The following ATP1A3 variants were observed in gnomAD, a reference collection of about 807,000 sequenced individuals.
ATP1A3 encodes ATPase Na+/K+ transporting subunit alpha 3.
A neutral mutation model predicts 108.8 loss-of-function variants in ATP1A3; 12 were observed. That is an observed-to-expected ratio of 0.11 (90% confidence interval 0.07 to 0.18). The LOEUF (loss-of-function observed/expected upper bound fraction) is 0.18. Ranked by LOEUF, ATP1A3 falls within the 10% of genes least tolerant of loss-of-function variation. The pLI is 1.00. For synonymous variants in ATP1A3, 539 were observed against 564.5 expected, an observed-to-expected ratio of 0.95 and a Z score of 0.64; for missense variants, 498 against 1,387.7, an observed-to-expected ratio of 0.36 and a Z score of 10.19.
At chr19:41,980,115 G>A (rs1308828577) in intron 11 of ATP1A3, among the ~76,000 whole-genome samples, 2 of 152,216 alleles carry the variant, frequency 1.3e-5, no homozygotes, top group East Asian at 1.9e-4. Flanking sequence ...GCCTGCTACC[G>A]GAGCGCTCTT....
At chr19:41,972,889 C>CGGAGGGAGGGAGGAAG (rs563366573) in intron 16 of ATP1A3, among the ~76,000 whole-genome samples, 3,848 of 45,254 alleles carry the variant, frequency 0.085, 257 homozygotes, top group African/African-American at 0.24. Flanking sequence ...CAGGCAGGGA[C>CGGAGGGAGGGAGGAAG]GGAGGGAGGG....
In ATP1A3 at chr19:41,985,538, G is replaced by C; in HGVS notation, c.607-115C>G. The C allele has an allele frequency of 2.7e-6, 3 of 1,108,834 alleles. No individual in the cohort carries two copies. The highest frequency in any genetic ancestry group is 4.1e-6 in the Non-Finnish European group (3 of 734,974). The allele number at this position is 1,108,834 out of a possible 1,614,324, so 68.7% of individuals were successfully genotyped here. A position where few individuals can be genotyped will look rare whatever the true frequency, so the allele number is the denominator to read the frequency against. On this transcript the variant is annotated intron_variant, in intron 6 of 22. Transcript: ENST00000648268. The surrounding 1 kb of genome is among the most constrained non-coding windows in gnomAD (Gnocchi z 8.2). ...GCCTGGAGATCACAGCTAGAAGCCT[G>C]GGTGCCCAGTGGGTGAGTGGTGTGT...
At chr19:41,993,778 C>T (rs2075362529) in intron 1 of ATP1A3, 1 of 613,864 alleles carries the variant, frequency 1.6e-6, no homozygotes, top group Non-Finnish European at 2.8e-6. Flanking sequence ...AGCTCTCATA[C>T]GCACATGCAA....
At chr19:41,979,694 C>T (rs549266782) in intron 11 of ATP1A3, among the ~76,000 whole-genome samples, 2 of 151,886 alleles carry the variant, frequency 1.3e-5, no homozygotes, top group Non-Finnish European at 2.9e-5. Context: ...CTGGGAGTGT[C>T]GGGGAGGAGG....
rs1436233055 is a variant in ATP1A3, at chr19:41,988,956, G to A, written c.7-394C>T. Among the ~76,000 whole-genome samples the A allele has an allele frequency of 3.3e-5, 5 of 151,984 alleles. No homozygotes were observed. The highest frequency in any genetic ancestry group is 1.2e-4 in the African/African-American group (5 of 41,396). On this transcript the variant is annotated intron_variant, in intron 1 of 22. Coordinates refer to ENST00000648268, the MANE Select transcript of ATP1A3 (RefSeq NM_152296.5). This position sits in a 1 kb window ranked among gnomAD's most constrained non-coding sequence, Gnocchi z 5.3. ...TCTGTGTCTATGTGACTTTGTTTTC[G>A]TTTTTTGAAACAATGTCTCACTCTG...
rs2075157919 is a variant in ATP1A3, at chr19:41,975,647, C to T, written c.2245G>A (p.Val749Ile). 3.7e-6 allele frequency: 6 copies of T among 1,614,082 alleles called. No individual in the cohort carries two copies. Among genetic ancestry groups the T allele is most frequent in the Non-Finnish European group, 5.1e-6 (6 of 1,179,988 alleles). Residue 749 changes from valine (V) to isoleucine (I), a missense_variant, in exon 16 of 23, where the codon GTC (valine) becomes ATC (isoleucine). Physicochemically the swap from Val to Ile is conservative, Grantham distance 29 (BLOSUM62 3). Coordinates refer to ENST00000648268, the MANE Select transcript of ATP1A3 (RefSeq NM_152296.5). ...ILLDDNFASI[V>I]TGVEEGRLIF... ...AACTCACCCTCCTCCACCCCTGTGA[C>T]GATGGAGGCAAAGTTGTCGTCCAGC...
Position 41,967,175 on chromosome 19 carries a change from G to C in ATP1A3, c.3013+74C>G, listed in dbSNP as rs906806559. 1.2e-6 allele frequency: 2 copies of C among 1,606,848 alleles called. No individual in the cohort carries two copies. The highest frequency in any genetic ancestry group is 2.7e-5 in the African/African-American group (2 of 74,762). On this transcript the variant is annotated intron_variant, in intron 22 of 22. Coordinates refer to ENST00000648268, the MANE Select transcript of ATP1A3 (RefSeq NM_152296.5). The surrounding 1 kb of genome is among the most constrained non-coding windows in gnomAD (Gnocchi z 4.2). ...GTGGCAGAGCCATCCAGCAGGGCGAGGGGAGCCTGGGACCAGCTGCCTGAG... is the reference window on the plus strand; with the variant it reads ...GTGGCAGAGCCATCCAGCAGGGCGACGGGAGCCTGGGACCAGCTGCCTGAG...
chr19:41,989,380 A>G (rs1329879072), intron 1 of ATP1A3, among the ~76,000 whole-genome samples: 21 of 138,464 alleles, frequency 1.5e-4, no homozygotes, highest in African/African-American at 5.9e-4. Flanking sequence ...GTGCAGTGGC[A>G]TGATCTCAGC....
At chr19:41,987,471 A>G (rs1229326857) in intron 4 of ATP1A3, among the ~76,000 whole-genome samples, 1 of 152,078 alleles carries the variant, frequency 6.6e-6, no homozygotes, top group Non-Finnish European at 1.5e-5. Context: ...GTGTGTGTGC[A>G]CACACGCCTA....
chr19:41,982,688 T>TA (rs1555863972), intron 8 of ATP1A3, among the ~76,000 whole-genome samples: 1 of 151,770 alleles, frequency 6.6e-6, no homozygotes, highest in Non-Finnish European at 1.5e-5. Context: ...GCAGAAAAGA[T>TA]AAATTGTGGA....
intron 8 of ATP1A3, among the ~76,000 whole-genome samples, chr19:41,983,836 A>G (rs1046420050): frequency 2.6e-4 from 35 of 133,966 alleles, no homozygotes; most frequent in African/African-American, 9.6e-4. Flanking sequence ...GTGAGGTGGC[A>G]CGATCTCGGC....
At chr19:41,993,957 GC>G in intron 1 of ATP1A3, 113 bp downstream of exon 1, 2 of 1,545,126 alleles carry the variant, frequency 1.3e-6, no homozygotes, top group Non-Finnish European at 1.7e-6. Flanking sequence ...CCCGGGTCTC[GC>G]AGGCCTGGCC....
chr19:41,984,616 G>T (rs1328601609), intron 8 of ATP1A3: 2 of 372,262 alleles, frequency 5.4e-6, no homozygotes, highest in Non-Finnish European at 9.9e-6. Flanking sequence ...GGCTCTTTAC[G>T]GCTTGCCAGT....
intron 1 of ATP1A3, 84 bp downstream of exon 1, chr19:41,993,987 G>T: frequency 6.3e-7 from 1 of 1,583,186 alleles, no homozygotes; most frequent in Non-Finnish European, 8.6e-7. Flanking sequence ...CAGGGGTCCC[G>T]GTGCCCCCGC....
In ATP1A3 at chr19:41,967,791, C is replaced by A. The variant is rs1555858974; in HGVS notation, c.2820-28G>T. On this transcript the variant is annotated intron_variant, in intron 20 of 22. Coordinates refer to ENST00000648268, the MANE Select transcript of ATP1A3 (RefSeq NM_152296.5). This position sits in a 1 kb window ranked among gnomAD's most constrained non-coding sequence, Gnocchi z 4.2. ...GGAGGCACAGAAGGGCAGGGCTGGG[C>A]CCAGAGAGCACCCACCCTGCACCTG... is the stretch of plus-strand genomic sequence containing the variant. The A allele has an allele frequency of 1.2e-6, 2 of 1,607,266 alleles. No individual in the cohort carries two copies. The highest frequency in any genetic ancestry group is 1.7e-5 in the Admixed American group (1 of 59,316).
In ATP1A3 at chr19:41,988,855, C is replaced by A. The variant is rs1043035224; in HGVS notation, c.7-293G>T. Among the ~76,000 whole-genome samples the A allele has an allele frequency of 1.1e-4, 17 of 152,136 alleles. No homozygotes were observed. The highest frequency in any genetic ancestry group is 3.6e-4 in the African/African-American group (15 of 41,430). On this transcript the variant is annotated intron_variant, in intron 1 of 22. Coordinates refer to ENST00000648268, the MANE Select transcript of ATP1A3 (RefSeq NM_152296.5). The surrounding 1 kb of genome is among the most constrained non-coding windows in gnomAD (Gnocchi z 5.3). ...CTCTGAGTCTCTGTCCCCGAAGGTC[C>A]CTGTCTGGCTTCTGCCTGTGTTTCA...
At position 41,978,348 on chromosome 19, in the gene ATP1A3, G is replaced by A; in HGVS notation, c.1631-22C>T. 1 of 1,581,006 alleles carries A rather than the reference G, an allele frequency of 6.3e-7. No individual in the cohort carries two copies. Among genetic ancestry groups the A allele is most frequent in the Non-Finnish European group, 8.6e-7 (1 of 1,163,890 alleles). On this transcript the variant is annotated intron_variant, in intron 12 of 22. Coordinates refer to ENST00000648268, the MANE Select transcript of ATP1A3 (RefSeq NM_152296.5). The surrounding 1 kb of genome is among the most constrained non-coding windows in gnomAD (Gnocchi z 8.3). ...AAACCTAGTGGCAGGGAAGGGTTGG[G>A]GTGTGAGGGTCCCAGCCTCGGAACC...
At chr19:41,982,129 C>G in intron 8 of ATP1A3, 23 bp from the exon 9 acceptor site, 1 of 1,613,904 alleles carries the variant, frequency 6.2e-7, no homozygotes, top group Non-Finnish European at 8.5e-7. Flanking sequence ...CAAGGGCAGG[C>G]AAGTTACAGG....
In ATP1A3 at chr19:41,968,699, C is replaced by T. The variant is rs967755741; in HGVS notation, c.2819+86G>A. ...TCAACAAAACAACAAAAAACCAAAG[C>T]AAGGACACAAGAGGAAGTACACAGA... On this transcript the variant is annotated intron_variant, in intron 20 of 22. Transcript: ENST00000648268. This position sits in a 1 kb window ranked among gnomAD's most constrained non-coding sequence, Gnocchi z 5.0. 6 of 1,595,276 alleles carry T rather than the reference C, an allele frequency of 3.8e-6. No homozygotes were observed. The highest frequency in any genetic ancestry group is 5.1e-6 in the Non-Finnish European group (6 of 1,168,692).
Sources: allele counts gnomAD v4.1 joint callset (sites outside exome capture counted in the v4.1 genomes callset), GRCh38; gene constraint gnomAD v4.1.1; non-coding constraint Gnocchi (gnomAD v3.1); transcripts MANE v1.5; gene names NCBI Gene and HGNC (gene_info 2026-07-23, HGNC 2026-07-21).